The following ZNF529 variants were observed in gnomAD, a reference collection of about 807,000 sequenced individuals.
ZNF529 encodes zinc finger protein 529.
In ZNF529, 11 loss-of-function variants were observed where a neutral mutation model predicts 10.1. The ratio of observed to expected loss-of-function variants is 1.09; its 90% CI spans 0.69 to 1.81. The LOEUF (loss-of-function observed/expected upper bound fraction) is 1.81. ZNF529 is among the 40% of genes most tolerant of loss of function. The probability of loss-of-function intolerance (pLI) is 0.00; values close to 1 mark genes in which losing one functional copy is unlikely to be tolerated. For missense variants in ZNF529, 624 were observed against 666.8 expected, an observed-to-expected ratio of 0.94 and a Z score of 0.71; for synonymous variants, 204 against 215.7, an observed-to-expected ratio of 0.95 and a Z score of 0.47.
At chr19:36,585,237 G>A (rs949199811) in intron 2 of ZNF529, among the ~76,000 whole-genome samples, 28 of 152,164 alleles carry the variant, frequency 1.8e-4, no homozygotes, top group African/African-American at 5.8e-4. Context: ...CTGCCCTCCC[G>A]TTACTACCAG....
upstream of ZNF529, among the ~76,000 whole-genome samples, chr19:36,576,514 C>T (rs1273905818): frequency 6.6e-6 from 1 of 151,954 alleles, no homozygotes; most frequent in East Asian, 2.0e-4. Context: ...GTCAGGAGTT[C>T]AAGACCAGCC....
At chr19:36,560,167 C>A (rs2145818479) in intron 2 of ZNF529, among the ~76,000 whole-genome samples, 1 of 144,612 alleles carries the variant, frequency 6.9e-6, no homozygotes, top group East Asian at 2.2e-4. Context: ...TGAGGCAGAA[C>A]AATCACATGA....
intron 2 of ZNF529, among the ~76,000 whole-genome samples, chr19:36,569,528 G>C (rs2036018802): frequency 6.6e-6 from 1 of 152,098 alleles, no homozygotes; most frequent in Admixed American, 6.6e-5. Context: ...ACTTAGAGAG[G>C]CTGAGGCGGG....
chr19:36,601,868 A>C (rs1489814931), intron 1 of ZNF529, among the ~76,000 whole-genome samples: 1 of 152,074 alleles, frequency 6.6e-6, no homozygotes, highest in Non-Finnish European at 1.5e-5. Context: ...AGGCTTTGTG[A>C]GCTAAAAGGC....
chr19:36,587,159 G>C (rs1158895915), intron 2 of ZNF529, among the ~76,000 whole-genome samples: 1 of 151,976 alleles, frequency 6.6e-6, no homozygotes, highest in African/African-American at 2.4e-5. Flanking sequence ...CAGCTACTCA[G>C]TAGGCTGAGG....
At chr19:36,570,381 AGAAAAG>A (rs2036059922) in intron 2 of ZNF529, among the ~76,000 whole-genome samples, 2 of 134,682 alleles carry the variant, frequency 1.5e-5, no homozygotes, top group Non-Finnish European at 3.3e-5. Flanking sequence ...AAAAAAAAAA[AGAAAAG>A]AAAAAAGAAA....
intron 1 of ZNF529, among the ~76,000 whole-genome samples, chr19:36,596,637 C>T (rs542192287): frequency 1.3e-4 from 20 of 152,166 alleles, no homozygotes; most frequent in Admixed American, 7.2e-4. Flanking sequence ...ATCCTTCAGC[C>T]TCCAGAGTAG....
rs746762046 is a variant in ZNF529, at chr19:36,546,910, T to C, written c.1648A>G (p.Thr550Ala). Residue 550 changes from threonine (T) to alanine (A), a missense_variant, in exon 5 of 5, where the codon ACT becomes GCT. Transcript: ENST00000591340. ...GNSFSVVGHL[T>A]CQPKIYTGEK... is the part of the protein sequence containing the mutation. ...CCAGTGTAAATTTTCGGTTGGCAAGTAAGATGCCCAACAACACTAAAGGAA... is the reference window on the plus strand; with the variant it reads ...CCAGTGTAAATTTTCGGTTGGCAAGCAAGATGCCCAACAACACTAAAGGAA... 6.2e-7 allele frequency: 1 copy of C among 1,612,476 alleles called. No individual in the cohort carries two copies. Among genetic ancestry groups the C allele is most frequent in the Non-Finnish European group, 8.5e-7 (1 of 1,179,112 alleles).
chr19:36,545,055 A>G lies in ZNF529; in HGVS notation c.*1811T>C, dbSNP rs947780409. 3 of 151,428 alleles carry G rather than the reference A, an allele frequency of 2.0e-5. No individual in the cohort carries two copies. Among genetic ancestry groups the G allele is most frequent in the Non-Finnish European group, 2.9e-5 (2 of 67,996 alleles). The allele number at this position is 151,428 out of a possible 1,614,324, so 9.4% of individuals were successfully genotyped here. ...CTTGGCCAACGTGGTGAAACTCCAT[A>G]TCTACTAAAATACAATTAGCTGGGC... On this transcript the variant is annotated 3_prime_UTR_variant, in exon 5 of 5. Transcript: ENST00000591340.
In ZNF529 at chr19:36,545,488, T is replaced by G. The variant is rs1043682234; in HGVS notation, c.*1378A>C. 6.6e-6 allele frequency: 1 copy of G among 152,098 alleles called. No individual in the cohort carries two copies. Among genetic ancestry groups the G allele is most frequent in the African/African-American group, 2.4e-5 (1 of 41,348 alleles). 9.4% of individuals were successfully genotyped at this position (152,098 alleles called of 1,614,324 possible). On this transcript the variant is annotated 3_prime_UTR_variant, in exon 5 of 5. Coordinates refer to ENST00000591340, the MANE Select transcript of ZNF529 (RefSeq NM_020951.5). ...TTGAGGTGAGCCAAGACTGCGCCAC[T>G]GCACTCCAGCCTAGGCAACAAGAGC...
At position 36,544,113 on chromosome 19, in the gene ZNF529, T is replaced by G. The variant is rs1378989525; in HGVS notation, c.*2753A>C. 1 of 151,942 alleles carries G rather than the reference T, an allele frequency of 6.6e-6. No homozygotes were observed. The highest frequency in any genetic ancestry group is 1.5e-5 in the Non-Finnish European group (1 of 67,978). 9.4% of individuals were successfully genotyped at this position (151,942 alleles called of 1,614,324 possible). A position where few individuals can be genotyped will look rare whatever the true frequency, so the allele number is the denominator to read the frequency against. On this transcript the variant is annotated 3_prime_UTR_variant, in exon 5 of 5. Coordinates refer to ENST00000591340, the MANE Select transcript of ZNF529 (RefSeq NM_020951.5). ...AGGCTTAGAGAAAAGTCAGAAAGAATAAAGGGGCAAATGAAAATGGAAAGA... is the reference window on the plus strand; with the variant it reads ...AGGCTTAGAGAAAAGTCAGAAAGAAGAAAGGGGCAAATGAAAATGGAAAGA...
At chr19:36,550,373 T>G (rs1258265115) in intron 4 of ZNF529, among the ~76,000 whole-genome samples, 1 of 152,142 alleles carries the variant, frequency 6.6e-6, no homozygotes, top group African/African-American at 2.4e-5. Context: ...CGAAACCCCG[T>G]CTGTACTAAA....
At chr19:36,556,045 T>C (rs1568583914) in intron 3 of ZNF529, 59 bp downstream of exon 3, 17 of 1,526,488 alleles carry the variant, frequency 1.1e-5, no homozygotes, top group Admixed American at 2.0e-5. Context: ...ACAGAGGTGT[T>C]TGGTAGGAAG....
intron 2 of ZNF529, among the ~76,000 whole-genome samples, chr19:36,567,520 C>A (rs1486627261): frequency 6.6e-6 from 1 of 151,850 alleles, no homozygotes; most frequent in Non-Finnish European, 1.5e-5. Flanking sequence ...CTCACTGCAA[C>A]CTCCACCTCC....
chr19:36,555,310 GGA>G (rs2035425318), intron 3 of ZNF529, among the ~76,000 whole-genome samples: 1 of 24,356 alleles, frequency 4.1e-5, no homozygotes, highest in East Asian at 6.4e-4. Context: ...TTTTTGAGAC[GGA>G]GTCTCGCTCT....
intron 2 of ZNF529, among the ~76,000 whole-genome samples, chr19:36,559,344 T>C (rs2035594099): frequency 6.6e-6 from 1 of 152,230 alleles, no homozygotes. Context: ...AGTCTTGCTC[T>C]TTCACCCACG....
Position 36,572,327 on chromosome 19 carries a change from A to T in ZNF529, c.14+6T>A. The T allele has an allele frequency of 6.4e-7, 1 of 1,550,876 alleles. No individual in the cohort carries two copies. Among genetic ancestry groups the T allele is most frequent in the Non-Finnish European group, 8.7e-7 (1 of 1,146,770 alleles). On this transcript the variant is annotated splice_donor_region_variant and intron_variant, in intron 2 of 4. Transcript: ENST00000591340. ...ACCAGGTAAATGAACAAAAAAAAAA[A>T]CTAACCTTGAGTTGGCCATTAGTAC...
At chr19:36,563,658 A>G (rs972910445) in intron 2 of ZNF529, among the ~76,000 whole-genome samples, 1 of 152,156 alleles carries the variant, frequency 6.6e-6, no homozygotes, top group African/African-American at 2.4e-5. Flanking sequence ...AAATGGAAAA[A>G]CATGGTAGGA....
rs1160288418 is a variant in ZNF529, at chr19:36,545,052, C to T, written c.*1814G>A. ...TGTCTTGGCCAACGTGGTGAAACTC[C>T]ATATCTACTAAAATACAATTAGCTG... On this transcript the variant is annotated 3_prime_UTR_variant, in exon 5 of 5. Transcript: ENST00000591340. The T allele has an allele frequency of 1.3e-5, 2 of 151,884 alleles. No individual in the cohort carries two copies. The highest frequency in any genetic ancestry group is 2.4e-5 in the African/African-American group (1 of 41,292). 9.4% of individuals were successfully genotyped at this position (151,884 alleles called of 1,614,324 possible). A position where few individuals can be genotyped will look rare whatever the true frequency, so the allele number is the denominator to read the frequency against.
Sources: allele counts gnomAD v4.1 joint callset (sites outside exome capture counted in the v4.1 genomes callset), GRCh38; gene constraint gnomAD v4.1.1; transcripts MANE v1.5; gene names NCBI Gene and HGNC (gene_info 2026-07-23, HGNC 2026-07-21).